Variants in KPNA7 observed in about 807,000 individuals in gnomAD.
The protein encoded by KPNA7 is karyopherin subunit alpha 7, also known as importin subunit alpha-8.
A neutral mutation model predicts 53.7 loss-of-function variants in KPNA7; 54 were observed. The observed-to-expected ratio is 1.01, with a 90% CI of 0.81 to 1.26. The LOEUF is 1.26. Among genes scored for constraint, KPNA7 ranks in the 50% most tolerant of loss-of-function variants. The pLI, the probability that KPNA7 is intolerant of heterozygous loss-of-function variation, is 0.00. For synonymous variants in KPNA7, 276 were observed against 259.3 expected, an observed-to-expected ratio of 1.06 and a Z score of -0.62; for missense variants, 640 against 644.5, an observed-to-expected ratio of 0.99 and a Z score of 0.07.
intron 9 of KPNA7, among the ~76,000 whole-genome samples, chr7:99,180,527 C>CTCTCTG (rs1291077295): frequency 0.033 from 3,288 of 99,914 alleles, 123 homozygotes; most frequent in African/African-American, 0.11. Flanking sequence ...GTGTCTCTAT[C>CTCTCTG]TCTCTGTCTC....
chr7:99,161,657 T>C, the KPNA7 span, among the ~76,000 whole-genome samples: 1 of 152,202 alleles, frequency 6.6e-6, no homozygotes, highest in African/African-American at 2.4e-5. Flanking sequence ...TGTCTGCCAC[T>C]TACTGAAAGA....
chr7:99,154,544 T>TC, the KPNA7 span, among the ~76,000 whole-genome samples: 4 of 150,992 alleles, frequency 2.6e-5, no homozygotes, highest in Admixed American at 6.6e-5. Context: ...TTTTTTTTTT[T>TC]CTCAAGACGG....
In KPNA7 at chr7:99,184,991, G is replaced by A; in HGVS notation, c.1072C>T (p.His358Tyr). The change falls in exon 8 of 11, where the codon CAC (histidine) becomes TAC (tyrosine). Residue 358 changes from histidine (H) to tyrosine (Y), a missense_variant. Coordinates refer to ENST00000327442, the MANE Select transcript of KPNA7 (RefSeq NM_001145715.3). ...TAGGCAAGCAGCTGCTGGATGTGGT[G>A]ACAAGGCCCCGCTGCTACGTTGCTC... ...ALSNVAAGPCHHIQQLLAYDV... is the reference protein window; with the variant it reads ...ALSNVAAGPCYHIQQLLAYDV... 2 of 1,551,988 alleles carry A rather than the reference G, an allele frequency of 1.3e-6. No homozygotes were observed. The highest frequency in any genetic ancestry group is 1.7e-6 in the Non-Finnish European group (2 of 1,147,072).
chr7:99,150,158 C>T, the KPNA7 span, among the ~76,000 whole-genome samples: 2 of 151,910 alleles, frequency 1.3e-5, no homozygotes, highest in South Asian at 4.2e-4. Flanking sequence ...TGCAGTGGTG[C>T]AATCATAGTT....
intron 10 of KPNA7, among the ~76,000 whole-genome samples, chr7:99,177,180 T>G (rs749340571): frequency 1.1e-4 from 16 of 152,116 alleles, no homozygotes; most frequent in Non-Finnish European, 2.9e-5. Context: ...GTCAAATTCA[T>G]AGAGACAGAA....
At chr7:99,210,802 G>A (rs1791048838), upstream of KPNA7, among the ~76,000 whole-genome samples, 1 of 151,862 alleles carries the variant, frequency 6.6e-6, no homozygotes, top group Non-Finnish European at 1.5e-5. Flanking sequence ...GCCCAGGCTG[G>A]TTTCAAACCC....
chr7:99,145,833 GTC>G, the KPNA7 span, among the ~76,000 whole-genome samples: 1 of 152,140 alleles, frequency 6.6e-6, no homozygotes, highest in Non-Finnish European at 1.5e-5. Context: ...TGAAAGCAGA[GTC>G]TCTCCTGGGC....
rs891475007 is a variant in KPNA7, at chr7:99,203,248, G to A, written c.67-8C>T. 7 of 1,548,664 alleles carry A rather than the reference G, an allele frequency of 4.5e-6. No homozygotes were observed. The African/African-American group carries it at 9.6e-5, about 21-fold the overall frequency. On this transcript the variant is annotated splice_region_variant and splice_polypyrimidine_tract_variant and intron_variant, in intron 2 of 10. Transcript: ENST00000327442. ...CCTCTGCTGTCGCCTCAGCTAGTGA[G>A]GAAAAGAAATTGGAGCATTTAGAAC...
chr7:99,203,599 T>C (rs1790656489), intron 2 of KPNA7, among the ~76,000 whole-genome samples: 1 of 152,128 alleles, frequency 6.6e-6, no homozygotes, highest in South Asian at 2.1e-4. Flanking sequence ...GCTTCCTGAA[T>C]GTACCCAGGC....
the KPNA7 span, among the ~76,000 whole-genome samples, chr7:99,150,650 A>G: frequency 6.6e-6 from 1 of 152,010 alleles, no homozygotes; most frequent in Non-Finnish European, 1.5e-5. Flanking sequence ...TCCTGACCTC[A>G]AGTGATCCGC....
the KPNA7 span, among the ~76,000 whole-genome samples, chr7:99,165,319 G>A: frequency 6.9e-6 from 1 of 145,734 alleles, no homozygotes; most frequent in Non-Finnish European, 1.5e-5. Flanking sequence ...AAAAAAAAAG[G>A]CTCAGAGAAA....
the KPNA7 span, among the ~76,000 whole-genome samples, chr7:99,165,990 T>G: frequency 7.0e-6 from 1 of 143,308 alleles, no homozygotes; most frequent in African/African-American, 2.6e-5. Flanking sequence ...GATCTGGTTG[T>G]TTAAAAGTGT....
At chr7:99,166,881 G>A in the KPNA7 span, among the ~76,000 whole-genome samples, 1 of 149,360 alleles carries the variant, frequency 6.7e-6, no homozygotes, top group African/African-American at 2.5e-5. Context: ...ACCTCCCAAA[G>A]TGCTGGGATT....
intron 3 of KPNA7, among the ~76,000 whole-genome samples, chr7:99,198,158 G>A (rs913942052): frequency 2.0e-5 from 3 of 152,026 alleles, no homozygotes; most frequent in Non-Finnish European, 4.4e-5. Flanking sequence ...AAAAAGCTGA[G>A]GTGCAGTGAG....
intron 10 of KPNA7, among the ~76,000 whole-genome samples, chr7:99,176,309 A>G (rs939705725): frequency 5.7e-5 from 6 of 104,836 alleles, no homozygotes; most frequent in African/African-American, 1.4e-4. Context: ...AAAAAAAAAA[A>G]AAAGAAAGAA....
chr7:99,188,307 T>C lies in KPNA7; in HGVS notation c.893A>G (p.Asn298Ser), dbSNP rs371196094. The change falls in exon 7 of 11, where the codon AAT becomes AGT. Residue 298 changes from asparagine (N) to serine (S), a missense_variant. Physicochemically the swap from Asn to Ser is conservative, Grantham distance 46. Transcript: ENST00000327442. ...LVVLMTSSELNVLTPSLRTVG... is the reference protein window; with the variant it reads ...LVVLMTSSELSVLTPSLRTVG... Reference sequence around the variant, plus strand: ...GCCCAGGATTGCATTTACCAAGACATTGAGTTCTGAGCTGGTCATGAGCAC... The same window carrying C: ...GCCCAGGATTGCATTTACCAAGACACTGAGTTCTGAGCTGGTCATGAGCAC... The C allele has an allele frequency of 1.3e-4, 208 of 1,550,174 alleles. No homozygotes were observed. In the African/African-American group the frequency reaches 2.1e-3, roughly 15 times the overall value.
downstream of KPNA7, chr7:99,173,434 C>T: frequency 4.4e-6 from 1 of 228,802 alleles, no homozygotes; most frequent in Non-Finnish European, 8.5e-6. Flanking sequence ...CTCAGGTGAT[C>T]CACCCACCTT....
chr7:99,149,015 C>G, the KPNA7 span, among the ~76,000 whole-genome samples: 5 of 151,586 alleles, frequency 3.3e-5, no homozygotes, highest in South Asian at 4.2e-4. Flanking sequence ...CCTGCCTCAG[C>G]CTTCCGAGTA....
chr7:99,211,738 C>T (rs1396929844), upstream of KPNA7, among the ~76,000 whole-genome samples: 6 of 152,182 alleles, frequency 3.9e-5, no homozygotes, highest in African/African-American at 1.4e-4. Context: ...CCCACACCAT[C>T]CCTCTGGGTT....
Sources: allele counts gnomAD v4.1 joint callset (sites outside exome capture counted in the v4.1 genomes callset), GRCh38; gene constraint gnomAD v4.1.1; transcripts MANE v1.5; gene names NCBI Gene and HGNC (gene_info 2026-07-23, HGNC 2026-07-21).